The following BMP7 variants were observed in gnomAD, a reference collection of about 807,000 sequenced individuals.
BMP7 encodes bone morphogenetic protein 7.
A neutral mutation model predicts 41.2 loss-of-function variants in BMP7; 12 were observed. The ratio of observed to expected loss-of-function variants is 0.29; its 90% CI spans 0.19 to 0.47. The LOEUF (loss-of-function observed/expected upper bound fraction) is 0.47. Among genes scored for constraint, BMP7 ranks in the 20% least tolerant of loss-of-function variants. The pLI is 0.99. For synonymous variants in BMP7, 248 were observed against 250.0 expected, an observed-to-expected ratio of 0.99 and a Z score of 0.07; for missense variants, 467 against 606.0, an observed-to-expected ratio of 0.77 and a Z score of 2.41.
At chr20:57,216,474 A>ACCTGAGGACGAGGGCGCTGTCT (rs1463449756) in intron 2 of BMP7, among the ~76,000 whole-genome samples, 12 of 140,200 alleles carry the variant, frequency 8.6e-5, no homozygotes, top group East Asian at 3.9e-4. Context: ...AGAGGGGTGC[A>ACCTGAGGACGAGGGCGCTGTCT]CCTGAGGACG....
intron 1 of BMP7, among the ~76,000 whole-genome samples, chr20:57,229,191 C>A (rs2066019532): frequency 6.6e-6 from 1 of 152,184 alleles, no homozygotes; most frequent in Non-Finnish European, 1.5e-5. Context: ...AAGAGAAGCA[C>A]ACAGTAGGCT....
At chr20:57,247,703 T>A (rs1461250507) in intron 1 of BMP7, among the ~76,000 whole-genome samples, 2 of 152,102 alleles carry the variant, frequency 1.3e-5, no homozygotes, top group Admixed American at 6.5e-5. Flanking sequence ...CAAGCAGCTC[T>A]CCACCCTTGG....
At chr20:57,242,642 G>A (rs1600640609) in intron 1 of BMP7, among the ~76,000 whole-genome samples, 3 of 152,188 alleles carry the variant, frequency 2.0e-5, no homozygotes, top group African/African-American at 7.2e-5. Context: ...GGGCTACTGA[G>A]CACTTGAAAT....
chr20:57,218,745 G>C (rs531746747), intron 2 of BMP7, among the ~76,000 whole-genome samples: 3 of 150,306 alleles, frequency 2.0e-5, no homozygotes, highest in Admixed American at 2.0e-4. Context: ...GTGGTAGCTG[G>C]CATTTGTTCG....
chr20:57,221,621 T>A (rs1452510291), intron 2 of BMP7, among the ~76,000 whole-genome samples: 1 of 152,064 alleles, frequency 6.6e-6, no homozygotes. Flanking sequence ...GAGATCAGCC[T>A]GGACAACACA....
At chr20:57,232,437 C>G (rs893213826) in intron 1 of BMP7, among the ~76,000 whole-genome samples, 2 of 151,972 alleles carry the variant, frequency 1.3e-5, no homozygotes, top group Non-Finnish European at 2.9e-5. Context: ...TGCAATAGAC[C>G]GAACAATAAA....
intron 2 of BMP7, among the ~76,000 whole-genome samples, chr20:57,219,233 T>C (rs1020879225): frequency 1.5e-5 from 2 of 129,692 alleles, no homozygotes; most frequent in Non-Finnish European, 2.9e-5. Flanking sequence ...TGTTTGGTGG[T>C]AGCTGGTGTT....
At chr20:57,225,592 C>T (rs542246440) in intron 2 of BMP7, among the ~76,000 whole-genome samples, 2 of 152,274 alleles carry the variant, frequency 1.3e-5, no homozygotes, top group East Asian at 3.9e-4. Context: ...ACATGGGTAG[C>T]TGGTGGCAGG....
intron 3 of BMP7, among the ~76,000 whole-genome samples, chr20:57,185,588 T>A (rs1270154622): frequency 2.0e-5 from 3 of 152,192 alleles, no homozygotes; most frequent in African/African-American, 4.8e-5. Context: ...TTGTATGAAA[T>A]CCCTACTTGA....
chr20:57,217,507 G>A (rs957559878), intron 2 of BMP7, among the ~76,000 whole-genome samples: 11 of 152,336 alleles, frequency 7.2e-5, no homozygotes, highest in Middle Eastern at 3.4e-3. Context: ...TGTGACCCAC[G>A]TCACTCAAGT....
At chr20:57,173,775 C>A (rs1305213823) in intron 5 of BMP7, among the ~76,000 whole-genome samples, 1 of 152,150 alleles carries the variant, frequency 6.6e-6, no homozygotes, top group Non-Finnish European at 1.5e-5. Flanking sequence ...TCAGCTCTAC[C>A]CCCACTAGGT....
chr20:57,263,869 C>T (rs2066163012), intron 1 of BMP7, among the ~76,000 whole-genome samples: 3 of 152,234 alleles, frequency 2.0e-5, no homozygotes, highest in African/African-American at 4.8e-5. Context: ...CCTCCCACTC[C>T]GTAAGCCCCA....
At chr20:57,243,669 G>C (rs1339352257) in intron 1 of BMP7, among the ~76,000 whole-genome samples, 1 of 152,034 alleles carries the variant, frequency 6.6e-6, no homozygotes, top group Non-Finnish European at 1.5e-5. Flanking sequence ...TATCCTGCTG[G>C]TAATTGTTAG....
intron 1 of BMP7, among the ~76,000 whole-genome samples, chr20:57,265,255 T>G (rs2066171445): frequency 6.6e-6 from 1 of 150,922 alleles, no homozygotes; most frequent in Non-Finnish European, 1.5e-5. Context: ...ACAGGGAGGG[T>G]AAGGGGGTGC....
chr20:57,187,588 C>T (rs1033495590), intron 3 of BMP7, among the ~76,000 whole-genome samples: 3 of 101,420 alleles, frequency 3.0e-5, no homozygotes, highest in Non-Finnish European at 6.5e-5. Context: ...TCTCTCTACA[C>T]GATTGAGGGA....
intron 2 of BMP7, among the ~76,000 whole-genome samples, chr20:57,225,060 C>A (rs1453848575): frequency 6.6e-6 from 1 of 152,200 alleles, no homozygotes; most frequent in Non-Finnish European, 1.5e-5. Flanking sequence ...CAGCTGGCGG[C>A]ACAGAGACAG....
Position 57,214,584 on chromosome 20 carries a change from C to T in BMP7, c.612-11961G>A, listed in dbSNP as rs1984969068. On this transcript the variant is annotated intron_variant, in intron 2 of 6. Transcript: ENST00000395863. The surrounding 1 kb of genome is among the most constrained non-coding windows in gnomAD (Gnocchi z 4.0). Reference sequence around the variant, plus strand: ...GTGCCAGTCTCCAGCCCACCACAGCCCCTCACACATGCTGTTTCCGCTGCC... The same window carrying T: ...GTGCCAGTCTCCAGCCCACCACAGCTCCTCACACATGCTGTTTCCGCTGCC... Among the ~76,000 whole-genome samples the T allele has an allele frequency of 6.6e-6, 1 of 152,154 alleles. No individual in the cohort carries two copies. Among genetic ancestry groups the T allele is most frequent in the Admixed American group, 6.5e-5 (1 of 15,274 alleles).
intron 2 of BMP7, among the ~76,000 whole-genome samples, chr20:57,209,249 T>TATATATATATATATATATATATATA (rs1555814048): frequency 1.1e-5 from 1 of 94,876 alleles, no homozygotes; most frequent in African/African-American, 3.4e-5. Flanking sequence ...TTATATATTT[T>TATATATATATATATATATATATATA]TATATATATA....
At chr20:57,250,058 C>T (rs1302295968) in intron 1 of BMP7, among the ~76,000 whole-genome samples, 2 of 152,134 alleles carry the variant, frequency 1.3e-5, no homozygotes, top group African/African-American at 2.4e-5. Context: ...CATTCCTGAC[C>T]CTATTTTCAC....
Sources: allele counts gnomAD v4.1 joint callset (sites outside exome capture counted in the v4.1 genomes callset), GRCh38; gene constraint gnomAD v4.1.1; non-coding constraint Gnocchi (gnomAD v3.1); transcripts MANE v1.5; gene names NCBI Gene and HGNC (gene_info 2026-07-23, HGNC 2026-07-21).